FAM13A: variants seen among roughly 807,000 people sequenced by gnomAD.
FAM13A encodes the protein family with sequence similarity 13 member A.
In FAM13A, 76 loss-of-function variants were observed where a neutral mutation model predicts 129.6. The ratio of observed to expected loss-of-function variants is 0.59; its 90% CI spans 0.49 to 0.71. FAM13A has a LOEUF of 0.71. Ranked by LOEUF, FAM13A falls within the 30% of genes least tolerant of loss-of-function variation. The pLI, the probability that FAM13A is intolerant of heterozygous loss-of-function variation, is 0.00. For synonymous variants in FAM13A, 443 were observed against 449.9 expected, an observed-to-expected ratio of 0.98 and a Z score of 0.20; for missense variants, 1,108 against 1,249.3, an observed-to-expected ratio of 0.89 and a Z score of 1.70.
chr4:88,822,023 A>C (rs950775117), intron 7 of FAM13A, among the ~76,000 whole-genome samples: 1 of 152,192 alleles, frequency 6.6e-6, no homozygotes, highest in Non-Finnish European at 1.5e-5. Context: ...AAATGAAATT[A>C]GTTTTTGTCT....
In FAM13A at chr4:88,732,195, C is replaced by T; in HGVS notation, c.2650G>A (p.Glu884Lys). 2.5e-6 allele frequency: 4 copies of T among 1,605,286 alleles called. No individual in the cohort carries two copies. The highest frequency in any genetic ancestry group is 3.4e-6 in the Non-Finnish European group (4 of 1,175,278). The change falls in exon 22 of 24, where the codon GAA (glutamate) becomes AAA (lysine). Residue 884 changes from glutamate to lysine, a missense_variant. This residue lies in a region of FAM13A where 529 missense variants were observed against 621.2 expected (regional missense o/e 0.85). Coordinates refer to ENST00000264344, the MANE Select transcript of FAM13A (RefSeq NM_014883.4). ...CTATCGTCTTCTGACCCCTCCTCTT[C>T]TTCCTGGAGATACACAGCAACCCCA... is the stretch of plus-strand genomic sequence containing the variant. ...TASFFKEIKE[E>K]EEGSEDDSNV...
chr4:88,744,981 A>G (rs1578457066), intron 19 of FAM13A, among the ~76,000 whole-genome samples: 1 of 152,212 alleles, frequency 6.6e-6, no homozygotes, highest in East Asian at 1.9e-4. Context: ...TAATGATAAG[A>G]GAGCTATGAA....
intron 5 of FAM13A, among the ~76,000 whole-genome samples, chr4:88,914,302 C>A (rs2704606): frequency 0.17 from 25,698 of 152,194 alleles, 2,309 homozygotes; most frequent in Non-Finnish European, 0.2. Flanking sequence ...CACTTCTCTA[C>A]CCTAAATCTT....
intron 7 of FAM13A, among the ~76,000 whole-genome samples, chr4:88,814,782 T>A (rs1047394876): frequency 6.6e-6 from 1 of 152,166 alleles, no homozygotes; most frequent in African/African-American, 2.4e-5. Context: ...TCCTTTAATA[T>A]GATCTGAGTA....
chr4:88,903,012 A>T (rs1747536260), intron 6 of FAM13A, among the ~76,000 whole-genome samples: 1 of 152,192 alleles, frequency 6.6e-6, no homozygotes, highest in South Asian at 2.1e-4. Flanking sequence ...CTACAAAAAG[A>T]ATAAAATAAA....
At chr4:88,915,698 T>C (rs1366383074) in intron 5 of FAM13A, among the ~76,000 whole-genome samples, 2 of 152,210 alleles carry the variant, frequency 1.3e-5, no homozygotes, top group African/African-American at 2.4e-5. Flanking sequence ...TGAGTATTTG[T>C]CCTCTCCAAA....
chr4:88,955,616 C>T (rs901768385), intron 4 of FAM13A, among the ~76,000 whole-genome samples: 13 of 152,218 alleles, frequency 8.5e-5, no homozygotes, highest in African/African-American at 2.6e-4. Context: ...TTTGGAACTT[C>T]CTAGAGACTT....
chr4:88,841,493 C>CAAAAAAAAAAAAAAAAA, intron 7 of FAM13A, among the ~76,000 whole-genome samples: 1 of 96,648 alleles, frequency 1.0e-5, no homozygotes, highest in Non-Finnish European at 2.1e-5. Context: ...GACTCTGTCT[C>CAAAAAAAAAAAAAAAAA]AAAAAAAAAA....
chr4:88,737,309 A>G (rs1739192710), intron 21 of FAM13A, among the ~76,000 whole-genome samples, 163 bp downstream of exon 21: 1 of 152,202 alleles, frequency 6.6e-6, no homozygotes, highest in Non-Finnish European at 1.5e-5. Context: ...CTTTAGAGGA[A>G]CTGTTCAAAG....
Position 88,804,966 on chromosome 4 carries a change from C to T in FAM13A, c.1049+45G>A, listed in dbSNP as rs1728265251. On this transcript the variant is annotated intron_variant, in intron 8 of 23. Coordinates refer to ENST00000264344, the MANE Select transcript of FAM13A (RefSeq NM_014883.4). ...CAAATAAACCCAAAGAAGCCTTAAC[C>T]CTCCTTTATTCCCTGTAGTAGACCA... The T allele has an allele frequency of 4.6e-6, 5 of 1,093,638 alleles. No individual in the cohort carries two copies. In the African/African-American group the frequency reaches 4.7e-5, roughly 10 times the overall value. 67.7% of individuals were successfully genotyped at this position (1,093,638 alleles called of 1,614,324 possible). A position where few individuals can be genotyped will look rare whatever the true frequency, so the allele number is the denominator to read the frequency against.
chr4:88,893,364 C>T (rs577751708), intron 6 of FAM13A, among the ~76,000 whole-genome samples: 1 of 152,314 alleles, frequency 6.6e-6, no homozygotes, highest in South Asian at 2.1e-4. Context: ...GTGGCTCACG[C>T]CTTTAATCCC....
intron 1 of FAM13A, among the ~76,000 whole-genome samples, chr4:89,046,416 A>G (rs1374971312): frequency 6.6e-6 from 1 of 152,196 alleles, no homozygotes; most frequent in African/African-American, 2.4e-5. Flanking sequence ...TTTAAGACAT[A>G]TAAAGAAGAA....
At chr4:88,831,452 A>G (rs1733871938) in intron 7 of FAM13A, among the ~76,000 whole-genome samples, 1 of 152,210 alleles carries the variant, frequency 6.6e-6, no homozygotes. Flanking sequence ...TTCTATGTCT[A>G]TAAAACATAA....
intron 13 of FAM13A, among the ~76,000 whole-genome samples, chr4:88,759,857 T>A (rs962439508): frequency 1.3e-5 from 2 of 152,320 alleles, no homozygotes; most frequent in East Asian, 3.9e-4. Flanking sequence ...CGAATTAATT[T>A]TTTTTTAAGC....
chr4:88,822,643 A>G (rs1169632051), intron 7 of FAM13A, among the ~76,000 whole-genome samples: 1 of 152,182 alleles, frequency 6.6e-6, no homozygotes, highest in Non-Finnish European at 1.5e-5. Context: ...ACTGCTAAGA[A>G]GCGGATTCAG....
At chr4:88,890,017 G>A (rs1354842507) in intron 6 of FAM13A, among the ~76,000 whole-genome samples, 2 of 152,238 alleles carry the variant, frequency 1.3e-5, no homozygotes, top group African/African-American at 2.4e-5. Context: ...AATGAAAAAT[G>A]AGGGCAACCA....
intron 13 of FAM13A, among the ~76,000 whole-genome samples, chr4:88,762,785 G>A (rs1745050012): frequency 6.6e-6 from 1 of 151,788 alleles, no homozygotes; most frequent in African/African-American, 2.4e-5. Flanking sequence ...TCTCCTACTA[G>A]ATCATTAAGG....
At chr4:88,995,102 A>C (rs1187149223) in intron 3 of FAM13A, among the ~76,000 whole-genome samples, 2 of 152,030 alleles carry the variant, frequency 1.3e-5, no homozygotes, top group Admixed American at 1.3e-4. Flanking sequence ...GCACACACAC[A>C]CCCAAAATGT....
intron 4 of FAM13A, among the ~76,000 whole-genome samples, chr4:88,945,986 G>GTATATATATATA (rs1309475381): frequency 1.4e-4 from 3 of 21,842 alleles, no homozygotes; most frequent in African/African-American, 8.4e-4. Flanking sequence ...GTGTGTGTGT[G>GTATATATATATA]TGTGTATATA....
Sources: allele counts gnomAD v4.1 joint callset (sites outside exome capture counted in the v4.1 genomes callset), GRCh38; gene constraint gnomAD v4.1.1; regional missense constraint gnomAD v4.1.1; transcripts MANE v1.5; gene names NCBI Gene and HGNC (gene_info 2026-07-23, HGNC 2026-07-21).